The following MIS18A variants were observed in gnomAD, a reference collection of about 807,000 sequenced individuals.
The protein encoded by MIS18A is protein Mis18-alpha.
In MIS18A, 14 loss-of-function variants were observed where a neutral mutation model predicts 25.0. The ratio of observed to expected loss-of-function variants is 0.56; its 90% CI spans 0.37 to 0.88. The LOEUF is 0.88. MIS18A is among the 40% of genes least tolerant of loss of function. MIS18A has a pLI of 0.00. For synonymous variants in MIS18A, 134 were observed against 118.6 expected (o/e 1.13, Z -0.84); for missense variants, 292 against 290.8 (o/e 1.00, Z -0.03).
At chr21:32,228,247 C>G in the MIS18A span, among the ~76,000 whole-genome samples, 1 of 152,132 alleles carries the variant, frequency 6.6e-6, no homozygotes, top group Non-Finnish European at 1.5e-5. Flanking sequence ...TGCCACCAGA[C>G]CTGGCTAATT....
At chr21:32,212,879 T>C in the MIS18A span, among the ~76,000 whole-genome samples, 1 of 152,226 alleles carries the variant, frequency 6.6e-6, no homozygotes, top group Non-Finnish European at 1.5e-5. Context: ...TCTTCCTCCA[T>C]GATTGTGAGG....
the MIS18A span, among the ~76,000 whole-genome samples, chr21:32,252,109 C>T: frequency 0.02 from 3,051 of 152,008 alleles, 102 homozygotes; most frequent in African/African-American, 0.068. Flanking sequence ...TCACTTGAGC[C>T]CACAAGTTTG....
At chr21:32,264,828 T>C (rs1230462711), downstream of MIS18A, among the ~76,000 whole-genome samples, 1 of 152,210 alleles carries the variant, frequency 6.6e-6, no homozygotes, top group Non-Finnish European at 1.5e-5. Flanking sequence ...GTAGGACACA[T>C]GCCATTCAGG....
the MIS18A span, among the ~76,000 whole-genome samples, chr21:32,158,560 C>T: frequency 3.3e-5 from 5 of 151,894 alleles, 1 homozygote; most frequent in African/African-American, 1.2e-4. Flanking sequence ...CCACAACCAC[C>T]GCCTCCTGAG....
the MIS18A span, among the ~76,000 whole-genome samples, chr21:32,262,272 T>A: frequency 1.3e-5 from 2 of 152,148 alleles, no homozygotes; most frequent in Non-Finnish European, 2.9e-5. Context: ...AGAAAAGCCA[T>A]CCCTAGGGAA....
the MIS18A span, among the ~76,000 whole-genome samples, chr21:32,253,084 C>T: frequency 6.6e-6 from 1 of 152,278 alleles, no homozygotes; most frequent in South Asian, 2.1e-4. Context: ...CGGGACTTCT[C>T]CACCTGGGCG....
chr21:32,199,853 G>A, the MIS18A span, among the ~76,000 whole-genome samples: 2 of 152,076 alleles, frequency 1.3e-5, no homozygotes, highest in African/African-American at 4.8e-5. Context: ...AAGAAATACA[G>A]TCTTGGGCAC....
At chr21:32,267,231 G>A (rs2031622836), downstream of MIS18A, among the ~76,000 whole-genome samples, 2 of 152,236 alleles carry the variant, frequency 1.3e-5, no homozygotes, top group Admixed American at 1.3e-4. Flanking sequence ...GATGAAGACT[G>A]TCTTATGAAA....
rs2123469659 is a variant in MIS18A, at chr21:32,274,776, A to G, written c.401+54T>C. 3 of 1,415,522 alleles carry G rather than the reference A, an allele frequency of 2.1e-6. No homozygotes were observed. In the South Asian group the frequency reaches 3.7e-5, roughly 17 times the overall value. 87.7% of individuals were successfully genotyped at this position (1,415,522 alleles called of 1,614,324 possible). On this transcript the variant is annotated intron_variant, in intron 2 of 4. Coordinates refer to ENST00000290130, the MANE Select transcript of MIS18A (RefSeq NM_018944.3). ...TACTACTAGTAATGACCTTTTAAAG[A>G]TTTTTATTAAAGAAAATTCTCTAAC...
chr21:32,214,217 G>T, the MIS18A span, among the ~76,000 whole-genome samples: 1 of 152,126 alleles, frequency 6.6e-6, no homozygotes, highest in African/African-American at 2.4e-5. Flanking sequence ...CCACCTTGGA[G>T]GCCAGAAACC....
In MIS18A at chr21:32,270,339, C is replaced by T. The variant is rs935645151; in HGVS notation, c.524+68G>A. 1.2e-5 allele frequency: 19 copies of T among 1,557,362 alleles called. No homozygotes were observed. In the African/African-American group the frequency reaches 2.6e-4, roughly 21 times the overall value. ...TTAACCAAACAGTATTGATTTAGTTCTGACAATTCCGTGCCTTAACTTTCT... is the reference window on the plus strand; with the variant it reads ...TTAACCAAACAGTATTGATTTAGTTTTGACAATTCCGTGCCTTAACTTTCT... On this transcript the variant is annotated intron_variant, in intron 3 of 4. Coordinates refer to ENST00000290130, the MANE Select transcript of MIS18A (RefSeq NM_018944.3).
the MIS18A span, among the ~76,000 whole-genome samples, chr21:32,228,677 A>C: frequency 6.6e-6 from 1 of 152,322 alleles, no homozygotes; most frequent in South Asian, 2.1e-4. Context: ...TTGCAGGATA[A>C]AAGATTAATA....
the MIS18A span, among the ~76,000 whole-genome samples, chr21:32,185,859 A>T: frequency 2.6e-5 from 4 of 152,200 alleles, no homozygotes; most frequent in South Asian, 6.2e-4. Flanking sequence ...CTTGGCAACC[A>T]TGCACCGCCA....
chr21:32,202,279 C>T, the MIS18A span, among the ~76,000 whole-genome samples: 4 of 149,986 alleles, frequency 2.7e-5, no homozygotes, highest in Non-Finnish European at 4.4e-5. Flanking sequence ...CAGACTGTGA[C>T]CTTGCCTCAA....
chr21:32,163,026 A>G, the MIS18A span, among the ~76,000 whole-genome samples: 1 of 152,198 alleles, frequency 6.6e-6, no homozygotes, highest in Non-Finnish European at 1.5e-5. Context: ...CAAAGAAAAC[A>G]CAGGAAAAGT....
At chr21:32,233,334 A>G in the MIS18A span, among the ~76,000 whole-genome samples, 14 of 152,252 alleles carry the variant, frequency 9.2e-5, no homozygotes, top group South Asian at 2.9e-3. Context: ...CAGGGTTGGG[A>G]TGGGGAGAGA....
chr21:32,203,773 T>G, the MIS18A span, among the ~76,000 whole-genome samples: 1 of 151,952 alleles, frequency 6.6e-6, no homozygotes, highest in Non-Finnish European at 1.5e-5. Context: ...CATGCCACCA[T>G]GCCCAGCTAA....
the MIS18A span, among the ~76,000 whole-genome samples, chr21:32,176,722 A>G: frequency 7.9e-5 from 12 of 152,274 alleles, no homozygotes; most frequent in East Asian, 1.9e-3. Context: ...AATAAAGAAA[A>G]GAGCAAAAAT....
the MIS18A span, among the ~76,000 whole-genome samples, chr21:32,253,631 C>T: frequency 4.6e-5 from 7 of 152,096 alleles, no homozygotes; most frequent in Middle Eastern, 0.01. Flanking sequence ...GCGACCTGCC[C>T]CCACTGCAAT....
Sources: allele counts gnomAD v4.1 joint callset (sites outside exome capture counted in the v4.1 genomes callset), GRCh38; gene constraint gnomAD v4.1.1; transcripts MANE v1.5; gene names NCBI Gene and HGNC (gene_info 2026-07-23, HGNC 2026-07-21).